The following FAM13A variants were observed in gnomAD, a reference collection of about 807,000 sequenced individuals.
FAM13A encodes family with sequence similarity 13 member A.
A neutral mutation model predicts 129.6 loss-of-function variants in FAM13A; 76 were observed. The ratio of observed to expected loss-of-function variants is 0.59; its 90% CI spans 0.49 to 0.71. The LOEUF is 0.71. FAM13A is among the 30% of genes least tolerant of loss of function. The probability of loss-of-function intolerance (pLI) is 0.00; values close to 1 mark genes in which losing one functional copy is unlikely to be tolerated. For synonymous variants in FAM13A, 443 were observed against 449.9 expected (o/e 0.98, Z 0.20); for missense variants, 1,108 against 1,249.3 (o/e 0.89, Z 1.70).
At chr4:89,047,411 T>C (rs1358773574) in intron 1 of FAM13A, among the ~76,000 whole-genome samples, 1 of 152,128 alleles carries the variant, frequency 6.6e-6, no homozygotes, top group Non-Finnish European at 1.5e-5. Flanking sequence ...ATTCTCTATA[T>C]AAACACAAGT....
intron 4 of FAM13A, among the ~76,000 whole-genome samples, chr4:88,986,892 G>C (rs531186637): frequency 1.3e-5 from 2 of 152,228 alleles, no homozygotes; most frequent in South Asian, 4.1e-4. Flanking sequence ...CATCATTCAA[G>C]TATTCATTTC....
chr4:88,897,893 C>A (rs1348369249), intron 6 of FAM13A, among the ~76,000 whole-genome samples: 1 of 152,128 alleles, frequency 6.6e-6, no homozygotes, highest in Non-Finnish European at 1.5e-5. Flanking sequence ...AAGATAATCA[C>A]CCCAAACTAA....
rs758493121 is a variant in FAM13A at position 88,781,282 on chromosome 4, C to T, written c.1341G>A (p.Gln447=). The T allele has an allele frequency of 6.2e-7, 1 of 1,612,970 alleles. No homozygotes were observed. The highest frequency in any genetic ancestry group is 8.5e-7 in the Non-Finnish European group (1 of 1,179,330). ...TATTTTTGTGTACCTTTTCGACTTC[C>T]TGAGTATTCAAAATACAATCATCAA... is the stretch of plus-strand genomic sequence containing the variant. ...NHLDDCILNT[Q]EVEKVHKNTF... The change falls in exon 11 of 24, where the codon CAG becomes CAA. Residue 447 remains glutamine, a synonymous_variant. Coordinates refer to ENST00000264344, the MANE Select transcript of FAM13A (RefSeq NM_014883.4).
At chr4:88,942,324 T>C (rs1188289148) in intron 4 of FAM13A, among the ~76,000 whole-genome samples, 1 of 152,060 alleles carries the variant, frequency 6.6e-6, no homozygotes, top group Non-Finnish European at 1.5e-5. Flanking sequence ...CTCAGCACTT[T>C]GGGAGGCTGA....
intron 17 of FAM13A, 28 bp from the exon 18 acceptor site, chr4:88,747,879 T>TA: frequency 6.9e-7 from 1 of 1,443,072 alleles, no homozygotes; most frequent in African/African-American, 1.4e-5. Flanking sequence ...GGGGTAAAGA[T>TA]ATATGAGATT....
intron 14 of FAM13A, among the ~76,000 whole-genome samples, chr4:88,755,683 CA>C (rs1028013028): frequency 3.3e-4 from 50 of 149,362 alleles, no homozygotes; most frequent in African/African-American, 1.2e-3. Context: ...TAGGAAGGTT[CA>C]AGTGGAATAT....
chr4:89,057,166 T>C lies in FAM13A; in HGVS notation c.-202A>G, dbSNP rs991999783. On this transcript the variant is annotated 5_prime_UTR_variant, in exon 1 of 24. Coordinates refer to ENST00000264344, the MANE Select transcript of FAM13A (RefSeq NM_014883.4). ...TCTCTTTCCGCTGAACCCACATGGCTGGAAGGACTGCCTGGAGTTGAAATT... is the reference window on the plus strand; with the variant it reads ...TCTCTTTCCGCTGAACCCACATGGCCGGAAGGACTGCCTGGAGTTGAAATT... The C allele has an allele frequency of 2.7e-5, 38 of 1,421,776 alleles. No individual in the cohort carries two copies. Among genetic ancestry groups the C allele is most frequent in the Non-Finnish European group, 3.5e-5 (38 of 1,089,668 alleles). 88.1% of individuals were successfully genotyped at this position (1,421,776 alleles called of 1,614,324 possible).
At chr4:88,924,981 A>C (rs1176710258) in intron 5 of FAM13A, among the ~76,000 whole-genome samples, 2 of 151,228 alleles carry the variant, frequency 1.3e-5, no homozygotes, top group African/African-American at 4.9e-5. Flanking sequence ...CCATCAGAGA[A>C]ATGCAAATCA....
intron 6 of FAM13A, among the ~76,000 whole-genome samples, chr4:88,868,446 T>C (rs1000566972): frequency 2.0e-5 from 3 of 152,208 alleles, no homozygotes; most frequent in Non-Finnish European, 4.4e-5. Context: ...CACTTTAGTT[T>C]GGGCCCTTCC....
chr4:89,000,856 C>T (rs1471453869), intron 3 of FAM13A, among the ~76,000 whole-genome samples: 2 of 152,150 alleles, frequency 1.3e-5, no homozygotes, highest in Non-Finnish European at 2.9e-5. Context: ...ACTAAAATGA[C>T]AATTTTTTTA....
chr4:88,879,060 T>C (rs776642845), intron 6 of FAM13A, among the ~76,000 whole-genome samples: 5 of 152,214 alleles, frequency 3.3e-5, no homozygotes, highest in Non-Finnish European at 5.9e-5. Flanking sequence ...TGGGAATAAG[T>C]TGTGTGCAAT....
Position 88,945,964 on chromosome 4 carries a change from C to CTGTGTGTGTGTGTG in FAM13A, c.606-7737_606-7724dup, listed in dbSNP as rs763159585. Among the ~76,000 whole-genome samples, 52 of 70,828 alleles carry CTGTGTGTGTGTGTG rather than the reference C, an allele frequency of 7.3e-4. 1 individual carries two copies. Among genetic ancestry groups the CTGTGTGTGTGTGTG allele is most frequent in the Non-Finnish European group, 8.5e-4 (32 of 37,582 alleles). The allele number at this position is 70,828 out of a possible 152,430, so 46.5% of individuals were successfully genotyped here. ...TAGTATATTTATACACACATAGTATCTGTGTGTGTGTGTGTGTGTGTGTGT... is the reference window on the plus strand; with the variant it reads ...TAGTATATTTATACACACATAGTATCTGTGTGTGTGTGTGTGTGTGTGTGTGTGTGTGTGTGTGT... On this transcript the variant is annotated intron_variant, in intron 4 of 23. Coordinates refer to ENST00000264344, the MANE Select transcript of FAM13A (RefSeq NM_014883.4).
At chr4:88,779,624 G>C (rs186590861) in intron 11 of FAM13A, among the ~76,000 whole-genome samples, 5 of 152,190 alleles carry the variant, frequency 3.3e-5, no homozygotes, top group Admixed American at 2.6e-4. Context: ...CCTGGAATGC[G>C]GAAACTGGCA....
At chr4:88,908,992 A>C (rs901405861) in intron 5 of FAM13A, among the ~76,000 whole-genome samples, 3 of 152,202 alleles carry the variant, frequency 2.0e-5, no homozygotes, top group Non-Finnish European at 4.4e-5. Flanking sequence ...AACTGGTGAT[A>C]ACTTAATGTA....
chr4:88,907,146 A>G (rs998012105), intron 5 of FAM13A, among the ~76,000 whole-genome samples: 1 of 152,238 alleles, frequency 6.6e-6, no homozygotes, highest in Non-Finnish European at 1.5e-5. Context: ...TGTTGTTTCA[A>G]TAATGCAGAG....
intron 4 of FAM13A, among the ~76,000 whole-genome samples, chr4:88,965,691 T>A (rs1323987328): frequency 6.6e-6 from 1 of 152,166 alleles, no homozygotes; most frequent in East Asian, 1.9e-4. Flanking sequence ...CTTGCAAACT[T>A]AAACTCCATA....
chr4:89,047,506 CAA>C (rs903214889), intron 1 of FAM13A, among the ~76,000 whole-genome samples: 3 of 151,872 alleles, frequency 2.0e-5, no homozygotes, highest in Non-Finnish European at 2.9e-5. Context: ...CCAGACCAAA[CAA>C]AAAAAGTTTC....
chr4:88,974,468 G>GA (rs36039293), intron 4 of FAM13A, among the ~76,000 whole-genome samples: 4 of 149,932 alleles, frequency 2.7e-5, no homozygotes, highest in South Asian at 2.1e-4. Flanking sequence ...AAAGTCACCT[G>GA]ATTTATTTTT....
chr4:88,759,524 C>G (rs1478822168), intron 13 of FAM13A: 1 of 152,104 alleles, frequency 6.6e-6, no homozygotes, highest in Non-Finnish European at 1.5e-5. Context: ...ATTCAAACAG[C>G]ACAGGGGATT....
Sources: allele counts gnomAD v4.1 joint callset (sites outside exome capture counted in the v4.1 genomes callset), GRCh38; gene constraint gnomAD v4.1.1; transcripts MANE v1.5; gene names NCBI Gene and HGNC (gene_info 2026-07-23, HGNC 2026-07-21).